Variants in SNX3 observed in about 807,000 individuals in gnomAD.
SNX3 encodes sorting nexin-3.
In SNX3, 5 loss-of-function variants were observed where a neutral mutation model predicts 17.7. The ratio of observed to expected loss-of-function variants is 0.28; its 90% CI spans 0.15 to 0.59. The LOEUF is 0.59. Among genes scored for constraint, SNX3 ranks in the 20% least tolerant of loss-of-function variants. The probability of loss-of-function intolerance (pLI) is 0.88; values close to 1 mark genes in which losing one functional copy is unlikely to be tolerated. For synonymous variants in SNX3, 91 were observed against 76.5 expected (o/e 1.19, Z -0.99); for missense variants, 132 against 206.8 (o/e 0.64, Z 2.22).
At position 108,240,288 on chromosome 6, in the gene SNX3, G is replaced by A. The variant is rs143956679; in HGVS notation, c.163-17243C>T. Among the ~76,000 whole-genome samples, 39 of 152,224 alleles carry A rather than the reference G, an allele frequency of 2.6e-4. No homozygotes were observed. In the East Asian group the frequency reaches 4.6e-3, roughly 18 times the overall value. On this transcript the variant is annotated intron_variant, in intron 1 of 3. Transcript: ENST00000230085. The stretch of plus-strand genomic sequence containing the variant: ...GGCTGGAGTGCAGTGGTGCGACCTC[G>A]GCTCACTGTAACCTCTGCCTCACTG...
At chr6:108,222,115 C>T (rs1461684832) in intron 2 of SNX3, 1 of 983,524 alleles carries the variant, frequency 1.0e-6, no homozygotes, top group African/African-American at 1.7e-5. Flanking sequence ...TATGCAGCCA[C>T]TTTTATCTTA....
intron 1 of SNX3, among the ~76,000 whole-genome samples, chr6:108,248,092 G>C (rs1250695171): frequency 1.3e-5 from 2 of 152,178 alleles, no homozygotes; most frequent in Non-Finnish European, 2.9e-5. Flanking sequence ...ATTGATGTCA[G>C]ATGCTGGCAG....
At chr6:108,240,352 G>A (rs1359571849) in intron 1 of SNX3, among the ~76,000 whole-genome samples, 1 of 152,240 alleles carries the variant, frequency 6.6e-6, no homozygotes, top group East Asian at 1.9e-4. Context: ...CCAAGTAGCT[G>A]GGATTACCGG....
chr6:108,233,459 C>CAACT (rs1775230290), intron 1 of SNX3, among the ~76,000 whole-genome samples: 1 of 152,168 alleles, frequency 6.6e-6, no homozygotes, highest in Non-Finnish European at 1.5e-5. Context: ...GAATCTCATG[C>CAACT]AACTGATCTA....
chr6:108,238,325 G>A (rs1483733641), intron 1 of SNX3, among the ~76,000 whole-genome samples: 15 of 152,060 alleles, frequency 9.9e-5, no homozygotes, highest in Admixed American at 9.8e-4. Context: ...ATACCACTGG[G>A]GAGGTTTCTG....
intron 1 of SNX3, among the ~76,000 whole-genome samples, chr6:108,238,463 A>G (rs1457198270): frequency 6.6e-6 from 1 of 152,020 alleles, no homozygotes; most frequent in Non-Finnish European, 1.5e-5. Context: ...ACACCACTAC[A>G]TATCAAAAGT....
intron 1 of SNX3, among the ~76,000 whole-genome samples, chr6:108,242,171 G>GA (rs1207514643): frequency 6.6e-6 from 1 of 152,068 alleles, no homozygotes; most frequent in Non-Finnish European, 1.5e-5. Context: ...AAAAAAATAA[G>GA]AATGAACAGA....
chr6:108,257,671 T>C (rs975730056), intron 1 of SNX3, among the ~76,000 whole-genome samples: 13 of 152,080 alleles, frequency 8.5e-5, no homozygotes, highest in Non-Finnish European at 1.5e-4. Context: ...CATTACATAC[T>C]AAAAGAAATC....
chr6:108,245,037 C>T (rs1242443781), intron 1 of SNX3, among the ~76,000 whole-genome samples: 2 of 152,082 alleles, frequency 1.3e-5, no homozygotes, highest in East Asian at 1.9e-4. Context: ...TGGTTTGCTG[C>T]ACCTATCAAC....
intron 1 of SNX3, among the ~76,000 whole-genome samples, chr6:108,235,361 C>G (rs1310655410): frequency 6.6e-6 from 1 of 152,212 alleles, no homozygotes; most frequent in Non-Finnish European, 1.5e-5. Flanking sequence ...CAGTCCCAGT[C>G]AAGTGGCCCC....
chr6:108,251,067 T>C (rs961603199), intron 1 of SNX3, among the ~76,000 whole-genome samples: 15 of 152,012 alleles, frequency 9.9e-5, no homozygotes, highest in Admixed American at 8.5e-4. Context: ...TAAGCAGCCT[T>C]GGAAGGAAAA....
intron 1 of SNX3, among the ~76,000 whole-genome samples, chr6:108,254,555 T>C (rs1452801320): frequency 6.6e-6 from 1 of 152,270 alleles, no homozygotes; most frequent in African/African-American, 2.4e-5. Flanking sequence ...GGAAGTTAAC[T>C]TTCTTAAACT....
At chr6:108,238,878 A>C (rs1407410100) in intron 1 of SNX3, among the ~76,000 whole-genome samples, 1 of 151,616 alleles carries the variant, frequency 6.6e-6, no homozygotes, top group Non-Finnish European at 1.5e-5. Context: ...ATAGGAGCTA[A>C]CCACAAACTT....
rs796745775 is a variant in SNX3 at position 108,244,703 on chromosome 6, CATG to C, written c.162+16054_162+16056del. 2.0e-4 allele frequency among the ~76,000 whole-genome samples: 24 copies of C among 123,040 alleles called. No homozygotes were observed. In the South Asian group the frequency reaches 4.2e-3, roughly 22 times the overall value. The allele number at this position is 123,040 out of a possible 152,430, so 80.7% of individuals were successfully genotyped here. A position where few individuals can be genotyped will look rare whatever the true frequency, so the allele number is the denominator to read the frequency against. Reference sequence around the variant, plus strand: ...TTGTTGCCAGGCGGGAGTGCAGTGGCATGATCTCAGCTCACTGCAACTTCCACC... The same window carrying C: ...TTGTTGCCAGGCGGGAGTGCAGTGGCATCTCAGCTCACTGCAACTTCCACC... On this transcript the variant is annotated intron_variant, in intron 1 of 3. Transcript: ENST00000230085.
At position 108,221,992 on chromosome 6, in the gene SNX3, A is replaced by G. The variant is rs143595827; in HGVS notation, c.258+958T>C. ...GGCTGGTCTTGAACTGCTGGGCTCA[A>G]GAGATCCTCCTGACTCGGCCTACCA... On this transcript the variant is annotated intron_variant, in intron 2 of 3. Transcript: ENST00000230085. 1.2e-3 allele frequency among the ~76,000 whole-genome samples: 185 copies of G among 152,278 alleles called. 1 individual carries two copies. In the Middle Eastern group the frequency reaches 0.017, roughly 14 times the overall value.
intron 2 of SNX3, among the ~76,000 whole-genome samples, chr6:108,217,334 A>G (rs1261474454): frequency 6.6e-6 from 1 of 152,172 alleles, no homozygotes; most frequent in Non-Finnish European, 1.5e-5. Flanking sequence ...CTAGTCATTC[A>G]AATGGATGGG....
intron 1 of SNX3, among the ~76,000 whole-genome samples, chr6:108,247,854 T>C (rs1775739269): frequency 6.6e-6 from 1 of 151,966 alleles, no homozygotes; most frequent in South Asian, 2.1e-4. Flanking sequence ...TCCCAGCACT[T>C]TGGGAGGCAG....
In SNX3 at chr6:108,260,238, T is replaced by C. The variant is rs76847830; in HGVS notation, c.162+522A>G. The stretch of plus-strand genomic sequence containing the variant: ...TGGTCTGGCTCAGCCCTATCAAAAA[T>C]TGTCAGGCTTCTGTGAACTTTCATT... On this transcript the variant is annotated intron_variant, in intron 1 of 3. Transcript: ENST00000230085. 1.2e-3 allele frequency among the ~76,000 whole-genome samples: 181 copies of C among 152,202 alleles called. 1 individual carries two copies. The highest frequency in any genetic ancestry group is 9.9e-3 in the East Asian group (51 of 5,160).
At chr6:108,238,045 T>C (rs773788117) in intron 1 of SNX3, among the ~76,000 whole-genome samples, 4 of 134,984 alleles carry the variant, frequency 3.0e-5, no homozygotes, top group Non-Finnish European at 4.6e-5. Context: ...GAAGATGAAG[T>C]AAGCTGAGAT....
Sources: gnomAD v4.1 joint callset for allele counts (sites outside exome capture counted in the v4.1 genomes callset) on GRCh38, gnomAD v4.1.1 for gene constraint, MANE v1.5 for transcripts, NCBI Gene and HGNC (gene_info 2026-07-23, HGNC 2026-07-21) for gene names.